The following LAMA4 variants were observed in gnomAD, a reference collection of about 807,000 sequenced individuals.
LAMA4 encodes laminin subunit alpha-4.
Under a neutral mutation model 207.1 loss-of-function variants are expected in LAMA4, and 127 were observed. The observed-to-expected ratio is 0.61, with a 90% CI of 0.53 to 0.71. LAMA4 has a LOEUF of 0.71. Ranked by LOEUF, LAMA4 falls within the 30% of genes least tolerant of loss-of-function variation. The pLI is 0.00. For missense variants in LAMA4, 2,093 were observed against 2,246.5 expected, an observed-to-expected ratio of 0.93 and a Z score of 1.38; for synonymous variants, 761 against 816.0, an observed-to-expected ratio of 0.93 and a Z score of 1.15.
intron 22 of LAMA4, among the ~76,000 whole-genome samples, chr6:112,140,381 C>T (rs772939850): frequency 3.3e-5 from 5 of 152,116 alleles, no homozygotes; most frequent in African/African-American, 1.2e-4. Context: ...TATTTCATAC[C>T]TGTATTAGGT....
chr6:112,190,016 A>G (rs553839897), intron 6 of LAMA4, among the ~76,000 whole-genome samples: 1 of 152,188 alleles, frequency 6.6e-6, no homozygotes, highest in Non-Finnish European at 1.5e-5. Context: ...CCCACTTCTT[A>G]ACTGTCTTTA....
chr6:112,199,162 T>A (rs1490950246), intron 5 of LAMA4, among the ~76,000 whole-genome samples: 2 of 152,180 alleles, frequency 1.3e-5, no homozygotes, highest in African/African-American at 4.8e-5. Context: ...GCATTTATCA[T>A]CTGTAATTCC....
rs1471825057 is a variant in LAMA4, at chr6:112,118,608, G to A, written c.4821+548C>T. On this transcript the variant is annotated intron_variant, in intron 34 of 38. Coordinates refer to ENST00000230538, the MANE Select transcript of LAMA4 (RefSeq NM_001105206.3). This position sits in a 1 kb window ranked among gnomAD's most constrained non-coding sequence, Gnocchi z 4.6. ...TTTTATTGCTAAATTTTTTATAAGT[G>A]CAATATTTTTAATTTTTAAATTACA... is the stretch of plus-strand genomic sequence containing the variant. 2.0e-5 allele frequency among the ~76,000 whole-genome samples: 3 copies of A among 151,862 alleles called. No individual in the cohort carries two copies. Among genetic ancestry groups the A allele is most frequent in the African/African-American group, 7.3e-5 (3 of 41,330 alleles).
At chr6:112,119,547 G>C (rs1423480703) in intron 33 of LAMA4, among the ~76,000 whole-genome samples, 1 of 152,058 alleles carries the variant, frequency 6.6e-6, no homozygotes, top group African/African-American at 2.4e-5. Flanking sequence ...ATTCTGTTTT[G>C]TTATACAGCA....
intron 2 of LAMA4, 121 bp downstream of exon 2, chr6:112,253,835 A>G: frequency 3.7e-6 from 6 of 1,614,244 alleles, no homozygotes; most frequent in Non-Finnish European, 4.2e-6. Flanking sequence ...GACCTAGCCC[A>G]GGTGAAACTC....
At chr6:112,184,568 T>C (rs1782572915) in intron 9 of LAMA4, among the ~76,000 whole-genome samples, 1 of 152,194 alleles carries the variant, frequency 6.6e-6, no homozygotes, top group African/African-American at 2.4e-5. Flanking sequence ...TTTTTGTTTA[T>C]TTAGTTGTTT....
intron 2 of LAMA4, chr6:112,219,313 A>T (rs1028894002): frequency 3.3e-5 from 5 of 152,186 alleles, no homozygotes; most frequent in Non-Finnish European, 5.9e-5. Context: ...AGCTGAATGG[A>T]TTCTCCAAAA....
rs138261595 is a variant in LAMA4 at position 112,189,562 on chromosome 6, G to A, written c.719-357C>T. On this transcript the variant is annotated intron_variant, in intron 6 of 38. Coordinates refer to ENST00000230538, the MANE Select transcript of LAMA4 (RefSeq NM_001105206.3). Reference sequence around the variant, plus strand: ...ATGACCACGAGCTCATCATTCAACTGGAAATTGAAAGCCATCCCTTCCTTG... The same window carrying A: ...ATGACCACGAGCTCATCATTCAACTAGAAATTGAAAGCCATCCCTTCCTTG... Among the ~76,000 whole-genome samples, 457 of 152,238 alleles carry A rather than the reference G, an allele frequency of 3.0e-3. 2 individuals carry two copies. The Middle Eastern group carries it at 0.054, about 18-fold the overall frequency.
In LAMA4 at chr6:112,133,482, A is replaced by C. The variant is rs782291756; in HGVS notation, c.3563T>G (p.Leu1188Arg). The C allele has an allele frequency of 9.9e-6, 16 of 1,613,486 alleles. No individual in the cohort carries two copies. In the African/African-American group the frequency reaches 1.7e-4, roughly 18 times the overall value. The change falls in exon 27 of 39, where the codon CTC (leucine) becomes CGC (arginine). Residue 1188 changes from leucine to arginine, a missense_variant. Physicochemically the swap from Leu to Arg is moderately radical, Grantham distance 102. Coordinates refer to ENST00000230538, the MANE Select transcript of LAMA4 (RefSeq NM_001105206.3). The stretch of plus-strand genomic sequence containing the variant: ...GATATCTAGGGGAAGGTGTGCTCTG[A>C]GGGCCCTGGAAAAGAAAGTCAGCCT... ...APPEILQSRALRAHLPLDINF... is the reference protein window; with the variant it reads ...APPEILQSRARRAHLPLDINF...
intron 2 of LAMA4, among the ~76,000 whole-genome samples, chr6:112,235,535 A>G (rs1414853311): frequency 6.6e-6 from 1 of 152,194 alleles, no homozygotes; most frequent in Non-Finnish European, 1.5e-5. Flanking sequence ...GTTTTGGTAC[A>G]TGATAGGGAA....
At chr6:112,202,702 G>A (rs2237243) in intron 4 of LAMA4, among the ~76,000 whole-genome samples, 87,648 of 151,778 alleles carry the variant, frequency 0.58, 27,225 homozygotes, top group African/African-American at 0.83. Flanking sequence ...AAACAGTTGG[G>A]TAAAAACATT....
At chr6:112,157,836 G>A (rs1326047142) in intron 14 of LAMA4, 1 of 152,034 alleles carries the variant, frequency 6.6e-6, no homozygotes, top group Admixed American at 6.5e-5. Context: ...CCATGATACC[G>A]AGTGGGATAT....
rs1449255088 is a variant in LAMA4 at position 112,175,467 on chromosome 6, CTTG to C, written c.1200_1202del (p.Asn400del). The C allele has an allele frequency of 1.2e-6, 2 of 1,614,054 alleles. No homozygotes were observed. Among genetic ancestry groups the C allele is most frequent in the South Asian group, 2.2e-5 (2 of 91,092 alleles). On this transcript the variant is annotated inframe_deletion, in exon 11 of 39. Transcript: ENST00000230538. ...CATGCTCTTCCCCATAATAGAGCAT[CTTG>C]TTGTTGATCTCTGAAAGGAAGAACA...
intron 3 of LAMA4, among the ~76,000 whole-genome samples, chr6:112,208,081 C>A (rs17073570): frequency 0.042 from 6,363 of 152,240 alleles, 439 homozygotes; most frequent in African/African-American, 0.14. Flanking sequence ...ACTAGTGGTA[C>A]AAGGCAAAGC....
chr6:112,142,233 A>G lies in LAMA4; in HGVS notation c.2553T>C (p.Ser851=), dbSNP rs782584722. ...QSAVEVHSRT[S]MDDLKAFTSL... is the part of the protein sequence containing the mutation. ...ACGTGAAGGCCTTTAAGTCATCCAT[A>G]CTGGTTCTCGAGTGCACTTCCACAG... is the stretch of plus-strand genomic sequence containing the variant. Residue 851 remains serine (S), a synonymous_variant, in exon 20 of 39, where the codon AGT becomes AGC. Transcript: ENST00000230538. 2 of 1,614,060 alleles carry G rather than the reference A, an allele frequency of 1.2e-6. No homozygotes were observed. The highest frequency in any genetic ancestry group is 1.1e-5 in the South Asian group (1 of 91,068).
intron 24 of LAMA4, among the ~76,000 whole-genome samples, chr6:112,137,693 T>C (rs1218033597): frequency 1.3e-5 from 2 of 152,230 alleles, no homozygotes; most frequent in South Asian, 2.1e-4. Context: ...TCATTTTGTA[T>C]TGAGATGTAG....
At chr6:112,195,783 C>G (rs975769299) in intron 5 of LAMA4, among the ~76,000 whole-genome samples, 1 of 152,148 alleles carries the variant, frequency 6.6e-6, no homozygotes, top group Non-Finnish European at 1.5e-5. Context: ...GTGTGGAATA[C>G]TGAAACATTG....
intron 14 of LAMA4, chr6:112,158,204 T>A (rs1780836368): frequency 6.2e-6 from 1 of 161,494 alleles, no homozygotes; most frequent in Admixed American, 6.0e-5. Flanking sequence ...TCTTAACAGG[T>A]GTTGAAATCA....
At chr6:112,177,289 C>G (rs1176455554) in intron 10 of LAMA4, among the ~76,000 whole-genome samples, 1 of 152,086 alleles carries the variant, frequency 6.6e-6, no homozygotes, top group Non-Finnish European at 1.5e-5. Context: ...GCAATATGCC[C>G]CAGTATAAAG....
Sources: gnomAD v4.1 joint callset for allele counts (sites outside exome capture counted in the v4.1 genomes callset) on GRCh38, gnomAD v4.1.1 for gene constraint, Gnocchi (gnomAD v3.1) non-coding constraint, MANE v1.5 for transcripts, NCBI Gene and HGNC (gene_info 2026-07-23, HGNC 2026-07-21) for gene names.